Variants in ALPK2 observed in about 807,000 individuals in gnomAD.
The protein encoded by ALPK2 is alpha kinase 2, also known as alpha-protein kinase 2.
A neutral mutation model predicts 163.1 loss-of-function variants in ALPK2; 127 were observed. The ratio of observed to expected loss-of-function variants is 0.78; its 90% confidence interval spans 0.67 to 0.90. The LOEUF is 0.90. Among genes scored for constraint, ALPK2 ranks in the 40% least tolerant of loss-of-function variants. The pLI is 0.00. For missense variants in ALPK2, 2,360 were observed against 2,589.6 expected (o/e 0.91, Z 1.92); for synonymous variants, 953 against 959.1 (o/e 0.99, Z 0.12).
intron 8 of ALPK2, among the ~76,000 whole-genome samples, chr18:58,517,691 A>G (rs1183914139): frequency 1.3e-5 from 2 of 151,838 alleles, no homozygotes; most frequent in African/African-American, 4.8e-5. Context: ...TACCATATGT[A>G]TATTTGTTCT....
rs564385835 is a variant in ALPK2, at chr18:58,534,833, C to T, written c.5353+1G>A. 3.1e-6 allele frequency: 5 copies of T among 1,604,978 alleles called. No homozygotes were observed. The South Asian group carries it at 5.6e-5, about 18-fold the overall frequency. On this transcript the variant is annotated splice_donor_variant, in intron 5 of 12. Transcript: ENST00000361673. LOFTEE classifies it high-confidence loss of function. ...AATGATGGACAGCAACAGAACCTCA[C>T]CTCTTCCTTCTCTTTTGCAAGATGG...
At chr18:58,620,849 A>G (rs1011016114) in intron 1 of ALPK2, among the ~76,000 whole-genome samples, 1 of 152,172 alleles carries the variant, frequency 6.6e-6, no homozygotes, top group Non-Finnish European at 1.5e-5. Flanking sequence ...GTTAACAACA[A>G]TATACATTTA....
chr18:58,544,998 T>C (rs929640816), intron 4 of ALPK2: 8 of 152,256 alleles, frequency 5.3e-5, no homozygotes, highest in African/African-American at 1.9e-4. Context: ...GTGTAAGGTA[T>C]AGACATGGTG....
chr18:58,623,116 A>G (rs531939513), intron 1 of ALPK2, among the ~76,000 whole-genome samples: 1 of 152,260 alleles, frequency 6.6e-6, no homozygotes, highest in East Asian at 1.9e-4. Context: ...GAGGACAGGG[A>G]AGTTTCGCAG....
chr18:58,611,710 C>T lies in ALPK2; in HGVS notation c.88G>A (p.Val30Met), dbSNP rs771974645. 3.1e-6 allele frequency: 5 copies of T among 1,612,990 alleles called. No individual in the cohort carries two copies. In the South Asian group the frequency reaches 4.4e-5, roughly 14 times the overall value. ...TTACCAGATATTATGCAGCGAAGCA[C>T]AGCGTCTGACTTCTCAGGAACCTTC... ...SQKVPEKSDA[V>M]LRCIISGQPK... The change falls in exon 2 of 13, where the codon GTG (valine) becomes ATG (methionine). Residue 30 changes from valine (V) to methionine (M), a missense_variant. By Grantham distance (21) the Val-to-Met change is conservative. Coordinates refer to ENST00000361673, the MANE Select transcript of ALPK2 (RefSeq NM_052947.4).
rs1185629016 is a variant in ALPK2, at chr18:58,516,895, C to G, written c.5940+13G>C. The G allele has an allele frequency of 1.2e-6, 2 of 1,609,470 alleles. No individual in the cohort carries two copies. The highest frequency in any genetic ancestry group is 2.7e-5 in the African/African-American group (2 of 74,826). ...CACACCAGAAGTGACAGCCTTTGGG[C>G]AGATGGACCCACCTGGGCAGCGAGT... On this transcript the variant is annotated intron_variant, in intron 9 of 12. Transcript: ENST00000361673.
intron 4 of ALPK2, among the ~76,000 whole-genome samples, chr18:58,551,827 GC>G (rs1264596810): frequency 6.6e-6 from 1 of 152,174 alleles, no homozygotes; most frequent in Non-Finnish European, 1.5e-5. Context: ...CTTGTCACCA[GC>G]CCAGGCTTCC....
chr18:58,494,649 C>G (rs564333593), intron 12 of ALPK2, among the ~76,000 whole-genome samples: 104 of 152,142 alleles, frequency 6.8e-4, no homozygotes, highest in African/African-American at 2.5e-3. Context: ...AGGTACCAGC[C>G]CCCCCATAGA....
chr18:58,511,801 CTG>C (rs2051491684), intron 10 of ALPK2: 1 of 152,132 alleles, frequency 6.6e-6, no homozygotes, highest in African/African-American at 2.4e-5. Context: ...TTCCTGGAAA[CTG>C]TGAGAATCCC....
intron 4 of ALPK2, among the ~76,000 whole-genome samples, chr18:58,546,916 TG>T (rs1568081663): frequency 6.6e-6 from 1 of 152,266 alleles, no homozygotes; most frequent in African/African-American, 2.4e-5. Flanking sequence ...GAATAGTCTC[TG>T]GGGGGTTTTT....
rs2051939670 is a variant in ALPK2 at position 58,579,100 on chromosome 18, T to C, written c.1676A>G (p.Glu559Gly). 4 of 1,614,160 alleles carry C rather than the reference T, an allele frequency of 2.5e-6. No individual in the cohort carries two copies. The highest frequency in any genetic ancestry group is 3.4e-6 in the Non-Finnish European group (4 of 1,180,036). Residue 559 changes from glutamate to glycine, a missense_variant, in exon 4 of 13, where the codon GAA becomes GGA. Transcript: ENST00000361673. ...PNANLRESTTEGTLHLCSAKE... is the reference protein window; with the variant it reads ...PNANLRESTTGGTLHLCSAKE... The stretch of plus-strand genomic sequence containing the variant: ...GGCAGAGCAGAGATGAAGGGTACCT[T>C]CTGTTGTACTTTCTCTCAGGTTGGC...
At position 58,535,847 on chromosome 18, in the gene ALPK2, A is replaced by G. The variant is rs1207431969; in HGVS notation, c.4340T>C (p.Ile1447Thr). ...TGGAACTTGCAAAATGGCCGGCTGG[A>G]TTTCCGCTTCGTGGCCCATGTTTCC... Reference protein sequence around the residue: ...NDGNMGHEAEIQPAILQVPCL... With the variant: ...NDGNMGHEAETQPAILQVPCL... The change falls in exon 5 of 13, where the codon ATC (isoleucine) becomes ACC (threonine). Residue 1447 changes from isoleucine to threonine, a missense_variant. Transcript: ENST00000361673. 1 of 1,614,078 alleles carries G rather than the reference A, an allele frequency of 6.2e-7. No individual in the cohort carries two copies. Among genetic ancestry groups the G allele is most frequent in the Non-Finnish European group, 8.5e-7 (1 of 1,180,012 alleles).
chr18:58,563,076 G>C (rs1003590333), intron 4 of ALPK2, among the ~76,000 whole-genome samples: 4 of 152,188 alleles, frequency 2.6e-5, no homozygotes, highest in Non-Finnish European at 4.4e-5. Flanking sequence ...GGGGAATTTG[G>C]CAGCTCATAT....
At position 58,523,825 on chromosome 18, in the gene ALPK2, T is replaced by C. The variant is rs548846923; in HGVS notation, c.5646A>G (p.Ser1882=). The C allele has an allele frequency of 3.7e-6, 6 of 1,614,208 alleles. No individual in the cohort carries two copies. The South Asian group carries it at 6.6e-5, about 18-fold the overall frequency. The change falls in exon 8 of 13, where the codon TCA becomes TCG. Residue 1882 remains serine (S), a synonymous_variant. Coordinates refer to ENST00000361673, the MANE Select transcript of ALPK2 (RefSeq NM_052947.4). ...ACTTACCTTTAGTATCCTGGCGACTTGACAGCTGTTTGAGAACTAGAAGAA... is the reference window on the plus strand; with the variant it reads ...ACTTACCTTTAGTATCCTGGCGACTCGACAGCTGTTTGAGAACTAGAAGAA... ...NLTAEVLKQL[S]SRQDTKGCEE...
intron 4 of ALPK2, among the ~76,000 whole-genome samples, chr18:58,572,338 C>T (rs548393963): frequency 6.6e-6 from 1 of 152,286 alleles, no homozygotes; most frequent in African/African-American, 2.4e-5. Context: ...AACAGCTGGA[C>T]AGTTTCATTA....
chr18:58,595,513 C>T lies in ALPK2; in HGVS notation c.227+11809G>A, dbSNP rs185137883. Among the ~76,000 whole-genome samples the T allele has an allele frequency of 5.5e-3, 840 of 152,174 alleles. 10 individuals are homozygous for T. Among genetic ancestry groups the T allele is most frequent in the African/African-American group, 0.019 (809 of 41,514 alleles). ...ATGCAGTGATTAACATAATGGACTCCGGGGCCCTGGGAAACAGAATTTTGG... is the reference window on the plus strand; with the variant it reads ...ATGCAGTGATTAACATAATGGACTCTGGGGCCCTGGGAAACAGAATTTTGG... On this transcript the variant is annotated intron_variant, in intron 3 of 12. Transcript: ENST00000361673.
chr18:58,572,103 C>A (rs2051889136), intron 4 of ALPK2, among the ~76,000 whole-genome samples: 1 of 152,050 alleles, frequency 6.6e-6, no homozygotes, highest in African/African-American at 2.4e-5. Context: ...ACAGACATTT[C>A]CCCAAAGAAA....
At chr18:58,538,488 A>G in intron 4 of ALPK2, 1 of 429,504 alleles carries the variant, frequency 2.3e-6, no homozygotes. Flanking sequence ...TCATTTATTT[A>G]ATGATTTCTT....
chr18:58,538,234 T>C lies in ALPK2; in HGVS notation c.1963-10A>G. The C allele has an allele frequency of 6.2e-7, 1 of 1,602,262 alleles. No individual in the cohort carries two copies. Among genetic ancestry groups the C allele is most frequent in the Non-Finnish European group, 8.5e-7 (1 of 1,177,502 alleles). ...TTTCCTGAACTTGTACCTAGGAAGA[T>C]GAAAAGTGATATTAGTAGAATTGTT... On this transcript the variant is annotated splice_polypyrimidine_tract_variant and intron_variant, in intron 4 of 12. Transcript: ENST00000361673.
Sources: gnomAD v4.1 joint callset for allele counts (sites outside exome capture counted in the v4.1 genomes callset) on GRCh38, gnomAD v4.1.1 for gene constraint, MANE v1.5 for transcripts, NCBI Gene and HGNC (gene_info 2026-07-23, HGNC 2026-07-21) for gene names.